Variants in GRIN2A observed in about 807,000 individuals in gnomAD.
GRIN2A encodes the protein glutamate receptor ionotropic, NMDA 2A.
GRIN2A carries 22 observed loss-of-function variants against 113.4 expected under a neutral mutation model. That is an observed-to-expected ratio of 0.19 (90% CI 0.14 to 0.28). The LOEUF is 0.28. Among genes scored for constraint, GRIN2A ranks in the 10% least tolerant of loss-of-function variants. The pLI, the probability that GRIN2A is intolerant of heterozygous loss-of-function variation, is 1.00. For synonymous variants in GRIN2A, 827 were observed against 738.4 expected, an observed-to-expected ratio of 1.12 and a Z score of -1.94; for missense variants, 1,502 against 1,887.0, an observed-to-expected ratio of 0.80 and a Z score of 3.78.
chr16:9,780,499 T>TC (rs1270187186), intron 11 of GRIN2A, among the ~76,000 whole-genome samples: 1 of 152,190 alleles, frequency 6.6e-6, no homozygotes, highest in Non-Finnish European at 1.5e-5. Context: ...TATTTGAGGA[T>TC]CAAAAGAAGA....
chr16:9,938,575 C>G, intron 2 of GRIN2A, 24 bp from the exon 3 acceptor site: 1 of 1,561,628 alleles, frequency 6.4e-7, no homozygotes. Flanking sequence ...GAAAGTAAAA[C>G]AGAGGATGAG....
chr16:9,842,163 A>G (rs1233826507), intron 5 of GRIN2A, among the ~76,000 whole-genome samples: 1 of 152,058 alleles, frequency 6.6e-6, no homozygotes, highest in Non-Finnish European at 1.5e-5. Context: ...AGGCATAAGA[A>G]TCACTTGAAC....
intron 2 of GRIN2A, among the ~76,000 whole-genome samples, chr16:10,073,362 A>G (rs941842952): frequency 2.0e-5 from 3 of 152,164 alleles, no homozygotes; most frequent in African/African-American, 4.8e-5. Flanking sequence ...TGCAGTCTCT[A>G]AAGACACAGG....
chr16:9,926,784 A>G (rs2044475006), intron 3 of GRIN2A, among the ~76,000 whole-genome samples: 1 of 152,202 alleles, frequency 6.6e-6, no homozygotes, highest in African/African-American at 2.4e-5. Context: ...CTTCCAGTTG[A>G]TCATTAGCAG....
At chr16:9,805,809 G>A (rs1039179898) in intron 10 of GRIN2A, among the ~76,000 whole-genome samples, 10 of 152,130 alleles carry the variant, frequency 6.6e-5, no homozygotes, top group East Asian at 1.9e-4. Flanking sequence ...GATCACCACC[G>A]GGTACCCATC....
intron 3 of GRIN2A, among the ~76,000 whole-genome samples, chr16:9,915,754 G>T (rs2044236767): frequency 6.6e-6 from 1 of 152,174 alleles, no homozygotes; most frequent in Admixed American, 6.5e-5. Context: ...TCTGCAACTT[G>T]CTACTTATAT....
At chr16:9,767,939 AT>A (rs1278824561) in intron 12 of GRIN2A, among the ~76,000 whole-genome samples, 1 of 152,256 alleles carries the variant, frequency 6.6e-6, no homozygotes, top group Non-Finnish European at 1.5e-5. Flanking sequence ...GCATACACAA[AT>A]TGTAACATCT....
chr16:9,789,850 C>T (rs1293296771), intron 11 of GRIN2A, among the ~76,000 whole-genome samples: 1 of 152,188 alleles, frequency 6.6e-6, no homozygotes, highest in African/African-American at 2.4e-5. Flanking sequence ...ATTTCACAAG[C>T]CCCTCCTTGG....
At chr16:10,047,856 C>G (rs2047287286) in intron 2 of GRIN2A, among the ~76,000 whole-genome samples, 1 of 152,212 alleles carries the variant, frequency 6.6e-6, no homozygotes, top group Non-Finnish European at 1.5e-5. Context: ...TTACATTGAT[C>G]TCAGAGCTTA....
chr16:10,156,064 G>A (rs1343920090), intron 2 of GRIN2A, among the ~76,000 whole-genome samples: 2 of 152,222 alleles, frequency 1.3e-5, no homozygotes, highest in Non-Finnish European at 2.9e-5. Flanking sequence ...TGAAAAGGGT[G>A]ATCTAGCCCA....
At chr16:10,019,949 C>A (rs1042852014) in intron 2 of GRIN2A, among the ~76,000 whole-genome samples, 2 of 152,176 alleles carry the variant, frequency 1.3e-5, no homozygotes, top group African/African-American at 4.8e-5. Flanking sequence ...CACAGACACC[C>A]AAAATGGTAA....
chr16:10,165,377 G>A (rs1158379590), intron 2 of GRIN2A, among the ~76,000 whole-genome samples: 1 of 151,298 alleles, frequency 6.6e-6, no homozygotes, highest in East Asian at 1.9e-4. Context: ...TGAGAGTAAA[G>A]GTGATTTTTA....
At chr16:10,048,598 T>G (rs1327371559) in intron 2 of GRIN2A, among the ~76,000 whole-genome samples, 1 of 152,136 alleles carries the variant, frequency 6.6e-6, no homozygotes, top group African/African-American at 2.4e-5. Flanking sequence ...CAATAATCTC[T>G]CCTGGCCTGG....
At chr16:9,834,274 T>C in intron 7 of GRIN2A, 44 bp from the exon 8 acceptor site, 1 of 1,606,010 alleles carries the variant, frequency 6.2e-7, no homozygotes, top group Non-Finnish European at 8.5e-7. Context: ...GTTAGTTATC[T>C]CTTCCTCACT....
At chr16:9,837,186 T>C (rs1377184512) in intron 7 of GRIN2A, among the ~76,000 whole-genome samples, 2 of 152,184 alleles carry the variant, frequency 1.3e-5, no homozygotes, top group Admixed American at 6.6e-5. Flanking sequence ...AATCTGTAGA[T>C]AATGACCGTA....
chr16:9,990,548 C>T lies in GRIN2A; in HGVS notation c.415-51997G>A, dbSNP rs751967130. ...CCCCCTGAATCTCTCTCTCTACACG[C>T]GCGCGCGCGCGCGCGCACACACACA... On this transcript the variant is annotated intron_variant, in intron 2 of 12. Transcript: ENST00000330684. Among the ~76,000 whole-genome samples the T allele has an allele frequency of 7.2e-4, 26 of 36,342 alleles. 1 individual carries two copies. The South Asian group carries it at 0.013, about 19-fold the overall frequency. 23.8% of individuals were successfully genotyped at this position (36,342 alleles called of 152,430 possible).
chr16:10,017,162 T>C (rs1567236318), intron 2 of GRIN2A, among the ~76,000 whole-genome samples: 1 of 152,252 alleles, frequency 6.6e-6, no homozygotes, highest in African/African-American at 2.4e-5. Context: ...CCTCATCTTC[T>C]GACCACAAAA....
intron 4 of GRIN2A, among the ~76,000 whole-genome samples, chr16:9,883,362 C>T (rs541079365): frequency 6.6e-6 from 1 of 152,238 alleles, no homozygotes; most frequent in South Asian, 2.1e-4. Flanking sequence ...ACCTTCCCCT[C>T]TTGGGGATTC....
At chr16:10,016,760 T>C (rs1445218677) in intron 2 of GRIN2A, among the ~76,000 whole-genome samples, 1 of 152,222 alleles carries the variant, frequency 6.6e-6, no homozygotes, top group Non-Finnish European at 1.5e-5. Context: ...ACCTGCTCTC[T>C]GGGCCTCCCG....
Sources: gnomAD v4.1 joint callset for allele counts (sites outside exome capture counted in the v4.1 genomes callset) on GRCh38, gnomAD v4.1.1 for gene constraint, MANE v1.5 for transcripts, NCBI Gene and HGNC (gene_info 2026-07-23, HGNC 2026-07-21) for gene names.